DLG5: variants seen among roughly 807,000 people sequenced by gnomAD.
The protein encoded by DLG5 is disks large homolog 5.
DLG5 carries 48 observed loss-of-function variants against 189.8 expected under a neutral mutation model. The observed-to-expected ratio is 0.25, with a 90% confidence interval of 0.20 to 0.32. The LOEUF is 0.32. DLG5 is among the 10% of genes least tolerant of loss of function. The probability of loss-of-function intolerance (pLI) is 1.00; values close to 1 mark genes in which losing one functional copy is unlikely to be tolerated. For missense variants in DLG5, 2,160 were observed against 2,544.7 expected, an observed-to-expected ratio of 0.85 and a Z score of 3.25; for synonymous variants, 1,016 against 1,054.1, an observed-to-expected ratio of 0.96 and a Z score of 0.70.
In DLG5 at chr10:77,797,033, G is replaced by A. The variant is rs547060728; in HGVS notation, c.5165-439C>T. The stretch of plus-strand genomic sequence containing the variant: ...TCCCCAATCTGCACGGCTAGAACAG[G>A]TGAGTGCTGTGAGCCAGCTCTGGCC... On this transcript the variant is annotated intron_variant, in intron 27 of 31. Coordinates refer to ENST00000372391, the MANE Select transcript of DLG5 (RefSeq NM_004747.4). Among the ~76,000 whole-genome samples, 11 of 152,320 alleles carry A rather than the reference G, an allele frequency of 7.2e-5. No individual in the cohort carries two copies. In the East Asian group the frequency reaches 1.9e-3, roughly 27 times the overall value.
In DLG5 at chr10:77,792,163, A is replaced by G. The variant is rs1225975328; in HGVS notation, c.*277T>C. 2.1e-6 allele frequency: 1 copy of G among 483,330 alleles called. No individual in the cohort carries two copies. The highest frequency in any genetic ancestry group is 1.9e-5 in the African/African-American group (1 of 51,546). The allele number at this position is 483,330 out of a possible 1,614,324, so 29.9% of individuals were successfully genotyped here. A position where few individuals can be genotyped will look rare whatever the true frequency, so the allele number is the denominator to read the frequency against. ...GGTTCTCTTTGCAGCATCTCTGATC[A>G]GCTGGCTAAAGAAAGGTGGGTGCTG... On this transcript the variant is annotated 3_prime_UTR_variant, in exon 32 of 32. Transcript: ENST00000372391.
At chr10:77,816,814 T>C (rs921306604) in intron 19 of DLG5, 113 bp from the exon 20 acceptor site, 17 of 1,452,304 alleles carry the variant, frequency 1.2e-5, no homozygotes, top group Admixed American at 6.3e-5. Flanking sequence ...CTGCATCGCA[T>C]AGTCTGGAGC....
intron 14 of DLG5, among the ~76,000 whole-genome samples, chr10:77,822,666 A>G (rs1842429147): frequency 6.6e-6 from 1 of 152,220 alleles, no homozygotes; most frequent in African/African-American, 2.4e-5. Flanking sequence ...TTACCTGCAT[A>G]ATGTCTTGAA....
intron 13 of DLG5, 56 bp from the exon 14 acceptor site, chr10:77,824,532 A>G: frequency 7.1e-7 from 1 of 1,407,746 alleles, no homozygotes; most frequent in South Asian, 1.2e-5. Flanking sequence ...CAGGCCTACC[A>G]GTCAGGATCT....
At position 77,853,523 on chromosome 10, in the gene DLG5, C is replaced by T. The variant is rs769186746; in HGVS notation, c.695G>A (p.Arg232Gln). 7 of 1,604,844 alleles carry T rather than the reference C, an allele frequency of 4.4e-6. No individual in the cohort carries two copies. Among genetic ancestry groups the T allele is most frequent in the Admixed American group, 1.7e-5 (1 of 59,662 alleles). Residue 232 changes from arginine (R) to glutamine (Q), a missense_variant, in exon 5 of 32, where the codon CGG (arginine) becomes CAG (glutamine). Physicochemically the swap from Arg to Gln is conservative, Grantham distance 43 (BLOSUM62 1). Transcript: ENST00000372391. ...CAGCCGAGTCTGGTCACTCAGGAGC[C>T]GGCTGTGGAGTGTGCTGAAACACCC... The part of the protein sequence containing the change: ...ETDFYHTLHS[R>Q]LLSDQTRLKD...
intron 7 of DLG5, among the ~76,000 whole-genome samples, chr10:77,838,421 G>A (rs961734406): frequency 2.0e-5 from 3 of 152,108 alleles, no homozygotes; most frequent in South Asian, 2.1e-4. Context: ...GCAGGAGGGC[G>A]GCCTTAGGGG....
rs1264666762 is a variant in DLG5 at position 77,792,416 on chromosome 10, A to T, written c.*24T>A. ...GGTGTCCCCTCAGGCGGCCAGCTGC[A>T]GTCATCCACAGCACAGCATTCTCCT... On this transcript the variant is annotated 3_prime_UTR_variant, in exon 32 of 32. Transcript: ENST00000372391. 1 of 1,604,856 alleles carries T rather than the reference A, an allele frequency of 6.2e-7. No individual in the cohort carries two copies. The highest frequency in any genetic ancestry group is 8.5e-7 in the Non-Finnish European group (1 of 1,171,532).
At chr10:77,820,934 C>T in intron 15 of DLG5, 148 bp downstream of exon 15, 5 of 1,064,650 alleles carry the variant, frequency 4.7e-6, no homozygotes, top group Non-Finnish European at 6.6e-6. Flanking sequence ...CTAGCTGGGC[C>T]ACTTCCCACT....
chr10:77,857,945 T>C (rs1844316307), intron 2 of DLG5, among the ~76,000 whole-genome samples: 1 of 152,184 alleles, frequency 6.6e-6, no homozygotes, highest in Non-Finnish European at 1.5e-5. Context: ...TCTGATTCTC[T>C]GTGCTGTCCT....
At chr10:77,810,996 T>C in intron 23 of DLG5, 98 bp downstream of exon 23, 9 of 1,462,358 alleles carry the variant, frequency 6.2e-6, no homozygotes, top group African/African-American at 1.4e-5. Flanking sequence ...CTGCAGCACA[T>C]GAGGCCAGCT....
At chr10:77,837,494 A>G (rs1232173488) in intron 7 of DLG5, among the ~76,000 whole-genome samples, 3 of 152,124 alleles carry the variant, frequency 2.0e-5, no homozygotes, top group African/African-American at 7.2e-5. Context: ...TGGGCCCCAC[A>G]CCATTGCTGG....
At chr10:77,821,010 C>T (rs1399798938) in intron 15 of DLG5, 72 bp downstream of exon 15, 1 of 1,525,588 alleles carries the variant, frequency 6.6e-7, no homozygotes, top group African/African-American at 1.4e-5. Flanking sequence ...TGCAGGGCCA[C>T]TTAGCAGCCC....
chr10:77,864,664 C>T (rs867118548), intron 2 of DLG5, among the ~76,000 whole-genome samples: 5 of 152,260 alleles, frequency 3.3e-5, no homozygotes, highest in South Asian at 2.1e-4. Flanking sequence ...CCGATGCCTG[C>T]TAGAGTTTGA....
chr10:77,796,608 A>G lies in DLG5; in HGVS notation c.5165-14T>C. 3 of 1,613,496 alleles carry G rather than the reference A, an allele frequency of 1.9e-6. No individual in the cohort carries two copies. The highest frequency in any genetic ancestry group is 2.5e-6 in the Non-Finnish European group (3 of 1,179,680). ...GGCTCACCGAATCTGAGGGAGAGAG[A>G]GCAGCAGCGTCACGGACCCAGCTTG... On this transcript the variant is annotated splice_polypyrimidine_tract_variant and intron_variant, in intron 27 of 31. Coordinates refer to ENST00000372391, the MANE Select transcript of DLG5 (RefSeq NM_004747.4). This position sits in a 1 kb window ranked among gnomAD's most constrained non-coding sequence, Gnocchi z 5.2.
intron 5 of DLG5, among the ~76,000 whole-genome samples, chr10:77,851,777 TAC>T (rs1843988176): frequency 6.6e-6 from 1 of 152,232 alleles, no homozygotes; most frequent in Non-Finnish European, 1.5e-5. Context: ...TTCAATGGAA[TAC>T]AGTTTCATTG....
chr10:77,937,956 G>C, the DLG5 span, among the ~76,000 whole-genome samples: 2 of 147,330 alleles, frequency 1.4e-5, no homozygotes, highest in South Asian at 4.3e-4. Flanking sequence ...GACCTCAGGT[G>C]ATCTGCCCAC....
chr10:77,857,403 G>C (rs959223030), intron 2 of DLG5, among the ~76,000 whole-genome samples: 1 of 152,188 alleles, frequency 6.6e-6, no homozygotes, highest in Non-Finnish European at 1.5e-5. Flanking sequence ...CGCCCTCCTC[G>C]ACCAGGGCTG....
intron 1 of DLG5, among the ~76,000 whole-genome samples, chr10:77,875,909 T>C (rs1403375729): frequency 6.6e-6 from 1 of 151,878 alleles, no homozygotes; most frequent in Non-Finnish European, 1.5e-5. Context: ...GGCCCAAGGC[T>C]ACAGACACTG....
At chr10:77,800,393 C>CTAA (rs1841137450) in intron 27 of DLG5, among the ~76,000 whole-genome samples, 1 of 152,222 alleles carries the variant, frequency 6.6e-6, no homozygotes, top group Non-Finnish European at 1.5e-5. Flanking sequence ...TTCTGCAGGC[C>CTAA]TTTCCCCCTT....
Sources: gnomAD v4.1 joint callset for allele counts (sites outside exome capture counted in the v4.1 genomes callset) on GRCh38, gnomAD v4.1.1 for gene constraint, Gnocchi (gnomAD v3.1) non-coding constraint, MANE v1.5 for transcripts, NCBI Gene and HGNC (gene_info 2026-07-23, HGNC 2026-07-21) for gene names.